The following TXNRD2 variants were observed in gnomAD, a reference collection of about 807,000 sequenced individuals.
TXNRD2 encodes thioredoxin reductase 2.
In TXNRD2, 67 loss-of-function variants were observed where a neutral mutation model predicts 70.8. That is an observed-to-expected ratio of 0.95 (90% CI 0.78 to 1.16). The LOEUF (loss-of-function observed/expected upper bound fraction) is 1.16. Ranked by LOEUF, TXNRD2 falls within the 50% of genes most tolerant of loss-of-function variation. The pLI is 0.00. For missense variants in TXNRD2, 644 were observed against 719.9 expected (o/e 0.89, Z 1.21); for synonymous variants, 301 against 295.8 (o/e 1.02, Z -0.18).
At chr22:19,920,589 G>C (rs962897160) in intron 2 of TXNRD2, among the ~76,000 whole-genome samples, 1 of 109,478 alleles carries the variant, frequency 9.1e-6, no homozygotes, top group Admixed American at 8.7e-5. Context: ...TCTCAAAAAA[G>C]AAAGAAAGAA....
intron 1 of TXNRD2, among the ~76,000 whole-genome samples, chr22:19,936,537 C>G (rs929009041): frequency 6.6e-6 from 1 of 152,158 alleles, no homozygotes; most frequent in Non-Finnish European, 1.5e-5. Flanking sequence ...TACAATTTAC[C>G]TGTAATTCTG....
At chr22:19,897,611 C>G (rs1325914062) in intron 10 of TXNRD2, among the ~76,000 whole-genome samples, 1 of 152,208 alleles carries the variant, frequency 6.6e-6, no homozygotes, top group Non-Finnish European at 1.5e-5. Flanking sequence ...GTGTCCCTCA[C>G]CCCAGCTCAC....
intron 8 of TXNRD2, among the ~76,000 whole-genome samples, 200 bp from the exon 9 acceptor site, chr22:19,899,268 C>T (rs1259714710): frequency 1.3e-5 from 2 of 152,216 alleles, no homozygotes; most frequent in Non-Finnish European, 2.9e-5. Flanking sequence ...ATCAGCAAAT[C>T]GCCTGGTGGT....
chr22:19,901,946 C>G (rs1211779319), intron 8 of TXNRD2, among the ~76,000 whole-genome samples: 1 of 152,178 alleles, frequency 6.6e-6, no homozygotes, highest in African/African-American at 2.4e-5. Flanking sequence ...TGTGTGCAAT[C>G]CCAGCACTCT....
intron 11 of TXNRD2, chr22:19,895,048 CTTAATAAGCAAT>C: frequency 1.3e-6 from 2 of 1,575,142 alleles, no homozygotes. Context: ...GTGCTGAAAC[CTTAATAAGCAAT>C]TGCTCAAGGG....
At chr22:19,912,053 G>A (rs1032031138) in intron 7 of TXNRD2, among the ~76,000 whole-genome samples, 4 of 152,170 alleles carry the variant, frequency 2.6e-5, no homozygotes, top group African/African-American at 9.7e-5. Context: ...GAGGGCACCT[G>A]GCTGAAGCCA....
At chr22:19,938,911 TTAAGCTTTC>T (rs1394880995) in intron 1 of TXNRD2, among the ~76,000 whole-genome samples, 5 of 152,156 alleles carry the variant, frequency 3.3e-5, no homozygotes, top group African/African-American at 9.7e-5. Flanking sequence ...TTAGCATTGT[TTAAGCTTTC>T]TAAATGTTCC....
In TXNRD2 at chr22:19,911,425, C is replaced by T; in HGVS notation, c.614G>A (p.Gly205Glu). 6.2e-7 allele frequency: 1 copy of T among 1,613,942 alleles called. No homozygotes were observed. The highest frequency in any genetic ancestry group is 8.5e-7 in the Non-Finnish European group (1 of 1,179,906). ...CCAGAAGATGTCATCACTTGTGATT[C>T]CATATTCCAAGGCACCTTCGATCTG... ...PTHIEGALEY[G>E]ITSDDIFWLK... Residue 205 changes from glycine (G) to glutamate (E), a missense_variant, in exon 8 of 18, where the codon GGA becomes GAA. Transcript: ENST00000400521.
intron 1 of TXNRD2, among the ~76,000 whole-genome samples, 199 bp from the exon 2 acceptor site, chr22:19,931,297 T>C (rs1008957385): frequency 2.0e-5 from 3 of 152,232 alleles, no homozygotes; most frequent in African/African-American, 7.2e-5. Context: ...AGGTTGGCCG[T>C]GGGCGTGTGT....
intron 2 of TXNRD2, among the ~76,000 whole-genome samples, chr22:19,927,081 G>A (rs1372118500): frequency 2.6e-4 from 39 of 152,004 alleles, no homozygotes; most frequent in Admixed American, 2.6e-3. Flanking sequence ...ATCACCTGAG[G>A]TCAGGAGTTC....
At chr22:19,877,301 C>A (rs1234860915) in intron 16 of TXNRD2, 67 bp from the exon 17 acceptor site, 3 of 1,461,948 alleles carry the variant, frequency 2.1e-6, no homozygotes, top group Non-Finnish European at 2.9e-6. Context: ...GCATCCCACC[C>A]CCGGGAAGAG....
chr22:19,879,515 A>G (rs1267284016), intron 14 of TXNRD2, among the ~76,000 whole-genome samples: 6 of 124,160 alleles, frequency 4.8e-5, no homozygotes, highest in Non-Finnish European at 9.8e-5. Flanking sequence ...GCCTGGAAGA[A>G]GCTGGAAGAG....
intron 6 of TXNRD2, 22 bp from the exon 7 acceptor site, chr22:19,915,298 C>T (rs757836640): frequency 8.1e-6 from 13 of 1,610,446 alleles, no homozygotes; most frequent in East Asian, 4.5e-5. Flanking sequence ...AAGAGAAAGC[C>T]GTGGGTCAGA....
chr22:19,913,159 C>T (rs1010997131), intron 7 of TXNRD2, among the ~76,000 whole-genome samples: 1 of 152,190 alleles, frequency 6.6e-6, no homozygotes, highest in Admixed American at 6.5e-5. Context: ...TCTGCCCCCA[C>T]AACCCACAAG....
intron 6 of TXNRD2, among the ~76,000 whole-genome samples, chr22:19,915,508 A>C (rs1445821768): frequency 7.9e-5 from 12 of 152,152 alleles, no homozygotes. Flanking sequence ...CAAGCACTTC[A>C]AGGCACCCTC....
At chr22:19,929,773 G>A (rs974275078) in intron 2 of TXNRD2, among the ~76,000 whole-genome samples, 5 of 152,048 alleles carry the variant, frequency 3.3e-5, no homozygotes, top group East Asian at 3.9e-4. Flanking sequence ...GGACACACTC[G>A]CCAATCTTGA....
At chr22:19,897,202 C>T (rs891721053) in intron 10 of TXNRD2, among the ~76,000 whole-genome samples, 1 of 152,184 alleles carries the variant, frequency 6.6e-6, no homozygotes, top group Admixed American at 6.5e-5. Context: ...GGACACGTCT[C>T]TGAGTCAGCC....
intron 11 of TXNRD2, among the ~76,000 whole-genome samples, chr22:19,885,223 C>A (rs187368433): frequency 2.4e-3 from 363 of 152,364 alleles, no homozygotes; most frequent in African/African-American, 8.4e-3. Flanking sequence ...ACCCCAGGTG[C>A]TCTCGGCTCC....
intron 1 of TXNRD2, among the ~76,000 whole-genome samples, chr22:19,938,988 A>G (rs1941616038): frequency 6.6e-6 from 1 of 152,142 alleles, no homozygotes; most frequent in African/African-American, 2.4e-5. Flanking sequence ...AATTCTCCCT[A>G]AACGAAGGCA....
Sources: allele counts gnomAD v4.1 joint callset (sites outside exome capture counted in the v4.1 genomes callset), GRCh38; gene constraint gnomAD v4.1.1; transcripts MANE v1.5; gene names NCBI Gene and HGNC (gene_info 2026-07-23, HGNC 2026-07-21).